The following ITIH2 variants were observed in gnomAD, a reference collection of about 807,000 sequenced individuals.
ITIH2 encodes the protein inter-alpha-trypsin inhibitor heavy chain H2.
In ITIH2, 103 loss-of-function variants were observed where a neutral mutation model predicts 104.4. The ratio of observed to expected loss-of-function variants is 0.99; its 90% CI spans 0.84 to 1.16. The LOEUF is 1.16. Ranked by LOEUF, ITIH2 falls within the 50% of genes most tolerant of loss-of-function variation. The pLI is 0.00. For synonymous variants in ITIH2, 436 were observed against 435.4 expected (o/e 1.00, Z -0.02); for missense variants, 1,108 against 1,162.4 (o/e 0.95, Z 0.68).
intron 8 of ITIH2, 88 bp from the exon 9 acceptor site, chr10:7,723,363 C>T: frequency 1.2e-6 from 1 of 840,926 alleles, no homozygotes; most frequent in African/African-American, 1.7e-5. Flanking sequence ...CCTGTAGACC[C>T]CTCTCTTCTC....
At chr10:7,718,043 A>G (rs986456569) in intron 6 of ITIH2, among the ~76,000 whole-genome samples, 4 of 152,138 alleles carry the variant, frequency 2.6e-5, no homozygotes, top group African/African-American at 4.8e-5. Context: ...GCCACAGCTT[A>G]ACACAACAGA....
chr10:7,732,399 C>G lies in ITIH2; in HGVS notation c.1709C>G (p.Ser570Trp). Reference protein sequence around the residue: ...AQMDDLQDFLSKDKHADPDFT... With the variant: ...AQMDDLQDFLWKDKHADPDFT... ...ATGGACGACTTGCAGGATTTTCTATCGAAAGACAAGCATGCAGATCCCGAT... is the reference window on the plus strand; with the variant it reads ...ATGGACGACTTGCAGGATTTTCTATGGAAAGACAAGCATGCAGATCCCGAT... Residue 570 changes from serine (S) to tryptophan (W), a missense_variant, in exon 14 of 21, where the codon TCG becomes TGG. Physicochemically the swap from Ser to Trp is radical, Grantham distance 177 (BLOSUM62 -3). Transcript: ENST00000358415. 1.9e-6 allele frequency: 3 copies of G among 1,613,994 alleles called. No homozygotes were observed. The highest frequency in any genetic ancestry group is 2.5e-6 in the Non-Finnish European group (3 of 1,179,940).
rs147613367 is a variant in ITIH2, at chr10:7,747,468, G to C, written c.2693+764G>C. Among the ~76,000 whole-genome samples, 3 of 152,326 alleles carry C rather than the reference G, an allele frequency of 2.0e-5. No homozygotes were observed. The East Asian group carries it at 5.8e-4, about 29-fold the overall frequency. On this transcript the variant is annotated intron_variant, in intron 20 of 20. Transcript: ENST00000358415. ...GAAACAATGGATTCTTAGTGAATAT[G>C]CCATTCAATTAGTATCAGTTTATGG... is the stretch of plus-strand genomic sequence containing the variant.
chr10:7,739,963 A>G (rs1436975384), intron 16 of ITIH2, among the ~76,000 whole-genome samples: 2 of 152,164 alleles, frequency 1.3e-5, no homozygotes. Flanking sequence ...AGGAGGGCAG[A>G]TCACTTGAGG....
chr10:7,733,214 C>T (rs1835021092), intron 14 of ITIH2, among the ~76,000 whole-genome samples: 1 of 152,142 alleles, frequency 6.6e-6, no homozygotes, highest in Non-Finnish European at 1.5e-5. Flanking sequence ...CATAATCATG[C>T]AATCTGTATT....
chr10:7,717,424 G>T (rs2130944197), intron 5 of ITIH2, among the ~76,000 whole-genome samples: 1 of 152,324 alleles, frequency 6.6e-6, no homozygotes, highest in Non-Finnish European at 1.5e-5. Flanking sequence ...CTGGAGATCG[G>T]GTAGGAGAGG....
intron 15 of ITIH2, among the ~76,000 whole-genome samples, 185 bp from the exon 16 acceptor site, chr10:7,738,435 TG>T (rs1198744903): frequency 6.7e-6 from 1 of 150,174 alleles, no homozygotes; most frequent in Non-Finnish European, 1.5e-5. Flanking sequence ...CAGAGAGAAC[TG>T]TATCACAGGC....
At chr10:7,719,875 T>C (rs1207972252) in intron 6 of ITIH2, among the ~76,000 whole-genome samples, 1 of 144,444 alleles carries the variant, frequency 6.9e-6, no homozygotes, top group Non-Finnish European at 1.5e-5. Flanking sequence ...AGCTGAATAA[T>C]GTGTACACGG....
At chr10:7,726,050 T>C (rs764671287) in intron 9 of ITIH2, among the ~76,000 whole-genome samples, 2 of 152,182 alleles carry the variant, frequency 1.3e-5, no homozygotes, top group Admixed American at 6.5e-5. Flanking sequence ...GATGGACCTT[T>C]GGATTTAGTG....
chr10:7,707,540 T>C (rs1834758949), intron 3 of ITIH2, among the ~76,000 whole-genome samples: 1 of 152,144 alleles, frequency 6.6e-6, no homozygotes, highest in Non-Finnish European at 1.5e-5. Context: ...CTTTTTGATT[T>C]ATGTATTTAT....
At chr10:7,734,814 AC>A (rs1835037124) in intron 14 of ITIH2, 107 bp from the exon 15 acceptor site, 2 of 898,026 alleles carry the variant, frequency 2.2e-6, no homozygotes, top group African/African-American at 1.7e-5. Context: ...GCTCCGCCCC[AC>A]CCCCAGGTTG....
chr10:7,716,086 G>A (rs1834846922), intron 5 of ITIH2, among the ~76,000 whole-genome samples: 1 of 152,050 alleles, frequency 6.6e-6, no homozygotes, highest in African/African-American at 2.4e-5. Flanking sequence ...CCAGGTCTAA[G>A]CAATTCTCCC....
intron 16 of ITIH2, 111 bp downstream of exon 16, chr10:7,738,869 T>G: frequency 1.8e-6 from 2 of 1,088,984 alleles, no homozygotes; most frequent in East Asian, 5.7e-5. Flanking sequence ...TCGCAGCACT[T>G]TGGGAGGCCA....
In ITIH2 at chr10:7,738,715, A is replaced by C; in HGVS notation, c.2052A>C (p.Gly684=). The C allele has an allele frequency of 6.2e-7, 1 of 1,613,602 alleles. No individual in the cohort carries two copies. The highest frequency in any genetic ancestry group is 8.5e-7 in the Non-Finnish European group (1 of 1,179,768). Reference sequence around the variant, plus strand: ...CCGTGATCTCCATGCTGGCACAAGGATCTCAGGTGCTAGAGTCCACGCCAC... The same window carrying C: ...CCGTGATCTCCATGCTGGCACAAGGCTCTCAGGTGCTAGAGTCCACGCCAC... ...PTPVISMLAQ[G]SQVLESTPPP... The change falls in exon 16 of 21, where the codon GGA becomes GGC. Residue 684 remains glycine (G), a synonymous_variant. Coordinates refer to ENST00000358415, the MANE Select transcript of ITIH2 (RefSeq NM_002216.3).
Position 7,727,080 on chromosome 10 carries a change from A to G in ITIH2, c.1115A>G (p.Asp372Gly), listed in dbSNP as rs118030654. The change falls in exon 10 of 21, where the codon GAT (aspartate) becomes GGT (glycine). Residue 372 changes from aspartate to glycine, a missense_variant. Coordinates refer to ENST00000358415, the MANE Select transcript of ITIH2 (RefSeq NM_002216.3). ...TCAGCTACAAAAACACAGGTTGCAGATGCCAAGAGGTATATTGAGAAAATC... is the reference window on the plus strand; with the variant it reads ...TCAGCTACAAAAACACAGGTTGCAGGTGCCAAGAGGTATATTGAGAAAATC... ...LISATKTQVA[D>G]AKRYIEKIQP... The G allele has an allele frequency of 9.3e-6, 15 of 1,614,194 alleles. No homozygotes were observed. Among genetic ancestry groups the G allele is most frequent in the Non-Finnish European group, 1.3e-5 (15 of 1,180,000 alleles).
At chr10:7,734,289 A>C (rs1240079680) in intron 14 of ITIH2, among the ~76,000 whole-genome samples, 1 of 152,210 alleles carries the variant, frequency 6.6e-6, no homozygotes, top group African/African-American at 2.4e-5. Flanking sequence ...ATAGTGGGGA[A>C]GGCCGTGTAT....
chr10:7,738,810 T>C, intron 16 of ITIH2, 52 bp downstream of exon 16: 1 of 1,514,878 alleles, frequency 6.6e-7, no homozygotes, highest in African/African-American at 1.4e-5. Flanking sequence ...ACCATAATCC[T>C]GGGAAGCATT....
intron 12 of ITIH2, among the ~76,000 whole-genome samples, chr10:7,730,559 G>A (rs941747041): frequency 6.6e-6 from 1 of 152,158 alleles, no homozygotes; most frequent in African/African-American, 2.4e-5. Context: ...GGTGGCTCAT[G>A]CCTGTAATCC....
At chr10:7,708,950 A>G in intron 3 of ITIH2, 72 bp from the exon 4 acceptor site, 1 of 1,291,762 alleles carries the variant, frequency 7.7e-7, no homozygotes, top group Non-Finnish European at 1.1e-6. Context: ...TGTTAACATC[A>G]AATGCACTAC....
Sources: allele counts gnomAD v4.1 joint callset (sites outside exome capture counted in the v4.1 genomes callset), GRCh38; gene constraint gnomAD v4.1.1; transcripts MANE v1.5; gene names NCBI Gene and HGNC (gene_info 2026-07-23, HGNC 2026-07-21).